NUP214: variants seen among roughly 807,000 people sequenced by gnomAD.
The protein encoded by NUP214 is nucleoporin 214.
Under a neutral mutation model 196.2 loss-of-function variants are expected in NUP214, and 79 were observed. The ratio of observed to expected loss-of-function variants is 0.40; its 90% CI spans 0.34 to 0.49. NUP214 has a LOEUF of 0.49. NUP214 is among the 20% of genes least tolerant of loss of function. The pLI is 0.58. For missense variants in NUP214, 2,468 were observed against 2,539.0 expected (o/e 0.97, Z 0.60); for synonymous variants, 1,020 against 990.5 (o/e 1.03, Z -0.56).
chr9:131,189,184 G>A, intron 26 of NUP214, 53 bp downstream of exon 26: 1 of 1,385,170 alleles, frequency 7.2e-7, no homozygotes, highest in Non-Finnish European at 1.0e-6. Context: ...TCCACAATAG[G>A]GGTTATTGTT....
chr9:131,215,407 A>G (rs1456142804), intron 31 of NUP214, 39 bp downstream of exon 31: 2 of 1,484,524 alleles, frequency 1.3e-6, no homozygotes, highest in Admixed American at 2.4e-5. Flanking sequence ...TTGGTCCCCT[A>G]ATGCCATTGT....
intron 24 of NUP214, among the ~76,000 whole-genome samples, chr9:131,184,579 AC>A (rs1833397400): frequency 6.6e-6 from 1 of 151,752 alleles, no homozygotes; most frequent in African/African-American, 2.4e-5. Context: ...CAAGTGATAC[AC>A]CCACCTCGGC....
At chr9:131,136,058 T>G (rs1338072388) in intron 9 of NUP214, 52 bp downstream of exon 9, 2 of 1,410,366 alleles carry the variant, frequency 1.4e-6, no homozygotes. Context: ...AAATTATTAT[T>G]TTGAGACAGT....
At chr9:131,199,971 A>C (rs1270182708) in intron 29 of NUP214, among the ~76,000 whole-genome samples, 1 of 152,182 alleles carries the variant, frequency 6.6e-6, no homozygotes, top group Non-Finnish European at 1.5e-5. Context: ...TGCCCTGTGA[A>C]GAGGCCAGAG....
intron 33 of NUP214, chr9:131,230,067 T>C (rs1211644177): frequency 4.2e-6 from 1 of 235,298 alleles, no homozygotes; most frequent in Non-Finnish European, 8.5e-6. Flanking sequence ...GAGAACTGAG[T>C]GAGGGGGCAC....
At chr9:131,150,437 T>C in intron 15 of NUP214, 27 bp downstream of exon 15, 1 of 1,611,146 alleles carries the variant, frequency 6.2e-7, no homozygotes, top group Non-Finnish European at 8.5e-7. Context: ...AGGGTGTTTT[T>C]CTGAAAGTAG....
At chr9:131,173,121 A>G (rs1049424321) in intron 21 of NUP214, among the ~76,000 whole-genome samples, 28 of 152,110 alleles carry the variant, frequency 1.8e-4, no homozygotes, top group African/African-American at 5.8e-4. Flanking sequence ...CAATGGTGCA[A>G]TCTGGGCTCA....
In NUP214 at chr9:131,197,982, C is replaced by T; in HGVS notation, c.4488C>T (p.Ala1496=). Residue 1496 remains alanine (A), a synonymous_variant, in exon 29 of 36, where the codon GCC becomes GCT. Coordinates refer to ENST00000359428, the MANE Select transcript of NUP214 (RefSeq NM_005085.4). The part of the protein sequence containing the change: ...PMSAGRSTEE[A]TSSALPEKPG... ...CCGCTGGCAGAAGCACAGAAGAGGC[C>T]ACTTCATCAGCTTTGCCTGAGAAGC... 2 of 1,614,238 alleles carry T rather than the reference C, an allele frequency of 1.2e-6. No individual in the cohort carries two copies. The highest frequency in any genetic ancestry group is 1.7e-6 in the Non-Finnish European group (2 of 1,180,046).
chr9:131,159,632 T>A, intron 18 of NUP214, 146 bp downstream of exon 18: 1 of 679,146 alleles, frequency 1.5e-6, no homozygotes, highest in Admixed American at 2.6e-5. Flanking sequence ...CCGAGGCGAG[T>A]GGATCACCTG....
Position 131,195,245 on chromosome 9 carries a change from T to C in NUP214, c.3672T>C (p.Asn1224=). Residue 1224 remains asparagine (N), a synonymous_variant, in exon 28 of 36, where the codon AAT becomes AAC. Coordinates refer to ENST00000359428, the MANE Select transcript of NUP214 (RefSeq NM_005085.4). ...TTCCACTTGTTAGGACTGGCTTTAATTTTGGGATAATCACACCAACACCGT... is the reference window on the plus strand; with the variant it reads ...TTCCACTTGTTAGGACTGGCTTTAACTTTGGGATAATCACACCAACACCGT... ...FSFSPSGTGF[N]FGIITPTPSS... is the part of the protein sequence containing the mutation. 1 of 1,612,594 alleles carries C rather than the reference T, an allele frequency of 6.2e-7. No individual in the cohort carries two copies. The highest frequency in any genetic ancestry group is 1.3e-5 in the African/African-American group (1 of 75,000).
chr9:131,193,660 T>TTTTTTTTTTC (rs1833688070), intron 27 of NUP214, among the ~76,000 whole-genome samples: 1 of 129,260 alleles, frequency 7.7e-6, no homozygotes. Context: ...TTTTTTTTTT[T>TTTTTTTTTTC]TTGGATTTTC....
intron 14 of NUP214, chr9:131,150,110 A>T: frequency 2.1e-6 from 1 of 479,816 alleles, no homozygotes; most frequent in Non-Finnish European, 3.8e-6. Context: ...GGTAAGTTCC[A>T]TAAGAGTTGG....
intron 30 of NUP214, among the ~76,000 whole-genome samples, chr9:131,212,437 G>A (rs756762243): frequency 6.6e-6 from 1 of 152,094 alleles, no homozygotes; most frequent in Non-Finnish European, 1.5e-5. Flanking sequence ...CTGGTTTTGT[G>A]GCTCAGGGGG....
chr9:131,129,610 A>T, intron 4 of NUP214, 133 bp downstream of exon 4: 1 of 843,016 alleles, frequency 1.2e-6, no homozygotes, highest in South Asian at 1.7e-5. Context: ...TTAAGGATGG[A>T]AGGTATTCTT....
At position 131,174,010 on chromosome 9, in the gene NUP214, T is replaced by G. The variant is rs778775023; in HGVS notation, c.2894-45T>G. 6 of 1,588,976 alleles carry G rather than the reference T, an allele frequency of 3.8e-6. No homozygotes were observed. In the African/African-American group the frequency reaches 8.2e-5, roughly 22 times the overall value. ...AGTGAAAATTACTTAGCTTTTGGGC[T>G]TGCTTTGAGTTGTCTAAATTGTGTT... On this transcript the variant is annotated intron_variant, in intron 21 of 35. Transcript: ENST00000359428.
chr9:131,204,295 A>T (rs544972595), intron 30 of NUP214, among the ~76,000 whole-genome samples: 36 of 152,336 alleles, frequency 2.4e-4, no homozygotes, highest in African/African-American at 8.7e-4. Context: ...AGCAAATTTG[A>T]AGAAGAACCA....
intron 19 of NUP214, 97 bp from the exon 20 acceptor site, chr9:131,163,773 C>A: frequency 1.2e-6 from 1 of 811,848 alleles, no homozygotes; most frequent in Non-Finnish European, 2.1e-6. Context: ...GGGATATTCT[C>A]ATGTCTTGCA....
chr9:131,139,147 T>TAA, intron 9 of NUP214, 134 bp from the exon 10 acceptor site: 1 of 1,026,430 alleles, frequency 9.7e-7, no homozygotes, highest in Non-Finnish European at 1.3e-6. Flanking sequence ...AGTCAACACC[T>TAA]GAGTCTAAAC....
chr9:131,209,646 G>A (rs757950516), intron 30 of NUP214, among the ~76,000 whole-genome samples: 1 of 152,060 alleles, frequency 6.6e-6, no homozygotes, highest in Non-Finnish European at 1.5e-5. Context: ...TGCCTGCCTC[G>A]GCCTCCCAAA....
Sources: gnomAD v4.1 joint callset for allele counts (sites outside exome capture counted in the v4.1 genomes callset) on GRCh38, gnomAD v4.1.1 for gene constraint, MANE v1.5 for transcripts, NCBI Gene and HGNC (gene_info 2026-07-23, HGNC 2026-07-21) for gene names.